Variants in RPS6KC1 observed in about 807,000 individuals in gnomAD.
The protein encoded by RPS6KC1 is inactive ribosomal protein S6 kinase delta-1.
In RPS6KC1, 54 loss-of-function variants were observed where a neutral mutation model predicts 103.8. The ratio of observed to expected loss-of-function variants is 0.52; its 90% CI spans 0.42 to 0.65. The LOEUF (loss-of-function observed/expected upper bound fraction) is 0.65, where lower values mean the gene tolerates loss of function less well. Among genes scored for constraint, RPS6KC1 ranks in the 30% least tolerant of loss-of-function variants. The pLI is 0.00. For synonymous variants in RPS6KC1, 439 were observed against 438.7 expected, an observed-to-expected ratio of 1.00 and a Z score of -0.01; for missense variants, 1,151 against 1,253.8, an observed-to-expected ratio of 0.92 and a Z score of 1.24.
the RPS6KC1 span, among the ~76,000 whole-genome samples, chr1:213,514,137 T>C: frequency 6.6e-6 from 1 of 152,240 alleles, no homozygotes; most frequent in Non-Finnish European, 1.5e-5. Context: ...CTCATTTTAA[T>C]ATCTTTGTGA....
chr1:213,260,220 A>G (rs1356350581), intron 12 of RPS6KC1, among the ~76,000 whole-genome samples: 3 of 152,176 alleles, frequency 2.0e-5, no homozygotes, highest in African/African-American at 7.2e-5. Flanking sequence ...ATTAGTTAAT[A>G]TCTGGTTTCT....
At position 213,116,252 on chromosome 1, in the gene RPS6KC1, A is replaced by G. The variant is rs1019878130; in HGVS notation, c.379-1065A>G. Among the ~76,000 whole-genome samples the G allele has an allele frequency of 3.0e-4, 45 of 151,808 alleles. No homozygotes were observed. The South Asian group carries it at 9.4e-3, about 32-fold the overall frequency. ...CTGGGTGCTCCTGTATTGGGTGCATATATATTTAGGATAGTTAGCTCTTCT... is the reference window on the plus strand; with the variant it reads ...CTGGGTGCTCCTGTATTGGGTGCATGTATATTTAGGATAGTTAGCTCTTCT... On this transcript the variant is annotated intron_variant, in intron 4 of 14. Coordinates refer to ENST00000366960, the MANE Select transcript of RPS6KC1 (RefSeq NM_012424.6).
At chr1:213,790,533 G>A in the RPS6KC1 span, among the ~76,000 whole-genome samples, 31 of 152,258 alleles carry the variant, frequency 2.0e-4, no homozygotes, top group African/African-American at 7.2e-4. Flanking sequence ...GTAAAAAGAA[G>A]AAGGAAAGAA....
the RPS6KC1 span, among the ~76,000 whole-genome samples, chr1:213,399,698 G>A: frequency 3.8e-3 from 583 of 152,162 alleles, 6 homozygotes; most frequent in African/African-American, 0.013. Context: ...TCAGTCCCAG[G>A]AGCTGAGCTA....
At chr1:213,690,222 CTT>C in the RPS6KC1 span, among the ~76,000 whole-genome samples, 1 of 152,078 alleles carries the variant, frequency 6.6e-6, no homozygotes, top group Non-Finnish European at 1.5e-5. Context: ...TTTTTCTTCT[CTT>C]TTGTTCCTTC....
At chr1:213,187,745 T>C (rs1375268819) in intron 8 of RPS6KC1, among the ~76,000 whole-genome samples, 1 of 152,172 alleles carries the variant, frequency 6.6e-6, no homozygotes, top group Non-Finnish European at 1.5e-5. Flanking sequence ...CTGTTGTTTC[T>C]TGTGGGTATA....
chr1:213,080,860 C>T (rs944294339), intron 3 of RPS6KC1, among the ~76,000 whole-genome samples: 1 of 152,250 alleles, frequency 6.6e-6, no homozygotes, highest in African/African-American at 2.4e-5. Flanking sequence ...CCACCGCACC[C>T]TGCCTTATTA....
chr1:213,055,827 C>T (rs950268291), intron 1 of RPS6KC1, among the ~76,000 whole-genome samples: 3 of 152,140 alleles, frequency 2.0e-5, no homozygotes, highest in South Asian at 4.1e-4. Context: ...CATAATATAT[C>T]TCCTCATTTA....
At chr1:213,476,436 C>G in the RPS6KC1 span, among the ~76,000 whole-genome samples, 2 of 152,330 alleles carry the variant, frequency 1.3e-5, no homozygotes, top group East Asian at 3.9e-4. Flanking sequence ...ATGAAACACT[C>G]TGAGTGAATG....
At chr1:213,716,989 A>G in the RPS6KC1 span, among the ~76,000 whole-genome samples, 2 of 152,380 alleles carry the variant, frequency 1.3e-5, no homozygotes, top group South Asian at 2.1e-4. Context: ...CCCAAAATTT[A>G]TAGGCTCAGA....
the RPS6KC1 span, among the ~76,000 whole-genome samples, chr1:213,558,540 T>C: frequency 6.6e-6 from 1 of 152,230 alleles, no homozygotes; most frequent in Non-Finnish European, 1.5e-5. Context: ...AAACTACCCA[T>C]TGGAGCTTTT....
At chr1:213,159,298 T>A (rs1044864671) in intron 6 of RPS6KC1, among the ~76,000 whole-genome samples, 2 of 152,108 alleles carry the variant, frequency 1.3e-5, no homozygotes, top group Non-Finnish European at 2.9e-5. Flanking sequence ...ATGTTGAGAG[T>A]TTCATGTTTT....
At chr1:213,344,893 C>G in the RPS6KC1 span, among the ~76,000 whole-genome samples, 1 of 152,284 alleles carries the variant, frequency 6.6e-6, no homozygotes, top group Non-Finnish European at 1.5e-5. Context: ...AGAGTTTCAC[C>G]TATTGCATTC....
chr1:213,616,591 C>T, the RPS6KC1 span, among the ~76,000 whole-genome samples: 50 of 152,158 alleles, frequency 3.3e-4, no homozygotes, highest in African/African-American at 1.1e-3. Context: ...GTAGGAGGAT[C>T]GCTTGAGCCC....
the RPS6KC1 span, among the ~76,000 whole-genome samples, chr1:213,319,007 C>T: frequency 6.6e-6 from 1 of 152,098 alleles, no homozygotes; most frequent in Non-Finnish European, 1.5e-5. Context: ...AAGTGTCATA[C>T]AAGAAGTAAG....
chr1:213,241,064 A>G lies in RPS6KC1; in HGVS notation c.1588A>G (p.Asn530Asp), dbSNP rs1439392482. The change falls in exon 11 of 15, where the codon AAT becomes GAT. Residue 530 changes from asparagine to aspartate, a missense_variant. By Grantham distance (23) the Asn-to-Asp change is conservative. Around this residue, in one of 3 missense-constraint regions of RPS6KC1, gnomAD observed 959 missense variants for 1,006.3 expected, o/e 0.95. Transcript: ENST00000366960. ...AGAAAAGATTGAACCAGGGTCTTTG[A>G]ATGAGGAGCCCTTCATGAAGACTGA... Reference protein sequence around the residue: ...GQEKIEPGSLNEEPFMKTEGN... With the variant: ...GQEKIEPGSLDEEPFMKTEGN... 37 of 1,613,414 alleles carry G rather than the reference A, an allele frequency of 2.3e-5. No homozygotes were observed. Among genetic ancestry groups the G allele is most frequent in the Non-Finnish European group, 3.1e-5 (37 of 1,179,914 alleles).
chr1:213,242,028 A>G lies in RPS6KC1; in HGVS notation c.2552A>G (p.Asp851Gly). ...EEVLLFTDQT[D>G]DLAKEEPTSL... The stretch of plus-strand genomic sequence containing the variant: ...GTATTGCTGTTTACAGATCAGACTG[A>G]TGATTTGGCTAAAGAGGAACCAACT... Residue 851 changes from aspartate to glycine, a missense_variant, in exon 11 of 15, where the codon GAT becomes GGT. Coordinates refer to ENST00000366960, the MANE Select transcript of RPS6KC1 (RefSeq NM_012424.6). 1 of 1,614,102 alleles carries G rather than the reference A, an allele frequency of 6.2e-7. No individual in the cohort carries two copies. Among genetic ancestry groups the G allele is most frequent in the Non-Finnish European group, 8.5e-7 (1 of 1,179,958 alleles).
chr1:213,272,452 C>A, intron 14 of RPS6KC1, 72 bp from the exon 15 acceptor site: 1 of 1,200,140 alleles, frequency 8.3e-7, no homozygotes, highest in Non-Finnish European at 1.2e-6. Context: ...GAAGTTGTTT[C>A]TTTTCAAATA....
At chr1:213,570,302 T>A in the RPS6KC1 span, among the ~76,000 whole-genome samples, 1 of 152,206 alleles carries the variant, frequency 6.6e-6, no homozygotes, top group Non-Finnish European at 1.5e-5. Context: ...GTATGTGAAA[T>A]GCCTGGCACA....
Sources: allele counts gnomAD v4.1 joint callset (sites outside exome capture counted in the v4.1 genomes callset), GRCh38; gene constraint gnomAD v4.1.1; regional missense constraint gnomAD v4.1.1; transcripts MANE v1.5; gene names NCBI Gene and HGNC (gene_info 2026-07-23, HGNC 2026-07-21).